GRID1: variants seen among roughly 807,000 people sequenced by gnomAD.
The protein encoded by GRID1 is glutamate receptor ionotropic, delta-1.
GRID1 carries 28 observed loss-of-function variants against 98.0 expected under a neutral mutation model. The ratio of observed to expected loss-of-function variants is 0.29; its 90% confidence interval spans 0.21 to 0.39. GRID1 has a LOEUF of 0.39. Ranked by LOEUF, GRID1 falls within the 10% of genes least tolerant of loss-of-function variation. The pLI, the probability that GRID1 is intolerant of heterozygous loss-of-function variation, is 1.00. For synonymous variants in GRID1, 553 were observed against 538.5 expected (o/e 1.03, Z -0.37); for missense variants, 1,111 against 1,340.5 (o/e 0.83, Z 2.67).
intron 4 of GRID1, among the ~76,000 whole-genome samples, chr10:85,986,849 A>C (rs561706433): frequency 2.6e-5 from 4 of 152,188 alleles, no homozygotes; most frequent in Non-Finnish European, 4.4e-5. Flanking sequence ...ATGAAACCCA[A>C]GTGGAGTGTT....
chr10:86,108,137 C>A (rs1363079562), intron 4 of GRID1, among the ~76,000 whole-genome samples: 1 of 152,208 alleles, frequency 6.6e-6, no homozygotes, highest in East Asian at 1.9e-4. Context: ...CACTCCTAGA[C>A]ATCGCCATGG....
intron 2 of GRID1, among the ~76,000 whole-genome samples, chr10:86,307,953 C>A (rs893798544): frequency 6.6e-6 from 1 of 152,192 alleles, no homozygotes; most frequent in Non-Finnish European, 1.5e-5. Context: ...CATATACAAT[C>A]TCCTGTTTTT....
intron 4 of GRID1, among the ~76,000 whole-genome samples, chr10:86,121,176 C>T (rs1293051950): frequency 6.6e-6 from 1 of 152,152 alleles, no homozygotes; most frequent in Non-Finnish European, 1.5e-5. Context: ...CTGCTGTGGA[C>T]CAGGAAGTCT....
intron 1 of GRID1, among the ~76,000 whole-genome samples, chr10:86,364,785 G>A (rs1398644098): frequency 6.6e-6 from 1 of 152,238 alleles, no homozygotes; most frequent in Non-Finnish European, 1.5e-5. Flanking sequence ...TGTGTCCTAG[G>A]CGCCTCCACG....
chr10:86,079,263 T>C (rs1843930391), intron 4 of GRID1, among the ~76,000 whole-genome samples: 1 of 152,214 alleles, frequency 6.6e-6, no homozygotes, highest in Admixed American at 6.5e-5. Context: ...GCAAATGGCC[T>C]GGATAGGGGC....
chr10:85,710,522 A>G (rs189872570), intron 12 of GRID1, among the ~76,000 whole-genome samples: 7 of 152,282 alleles, frequency 4.6e-5, no homozygotes, highest in African/African-American at 1.7e-4. Context: ...AACTCCCAGA[A>G]GAAAACATAG....
At chr10:86,077,230 A>G (rs1843895701) in intron 4 of GRID1, among the ~76,000 whole-genome samples, 1 of 136,922 alleles carries the variant, frequency 7.3e-6, no homozygotes, top group African/African-American at 2.7e-5. Flanking sequence ...GCATTTGGTC[A>G]TTCATTCAGC....
intron 12 of GRID1, among the ~76,000 whole-genome samples, chr10:85,652,404 C>A (rs79493131): frequency 5.9e-5 from 9 of 152,124 alleles, no homozygotes; most frequent in Non-Finnish European, 1.3e-4. Flanking sequence ...ATACGTAAAA[C>A]GGATTTCAAC....
intron 4 of GRID1, among the ~76,000 whole-genome samples, chr10:85,958,121 G>T (rs1842218633): frequency 6.6e-6 from 1 of 152,180 alleles, no homozygotes. Flanking sequence ...ACCCCTGCTG[G>T]GTCAGGTCAA....
At chr10:86,221,448 T>G (rs937119092) in intron 2 of GRID1, among the ~76,000 whole-genome samples, 1 of 152,154 alleles carries the variant, frequency 6.6e-6, no homozygotes, top group African/African-American at 2.4e-5. Flanking sequence ...CTGAGGCAGA[T>G]CCCAGCACAG....
intron 8 of GRID1, among the ~76,000 whole-genome samples, chr10:85,834,726 T>C (rs1424790089): frequency 3.3e-5 from 5 of 152,114 alleles, no homozygotes; most frequent in South Asian, 4.2e-4. Context: ...AAGTCACATA[T>C]GTGTATTGTA....
intron 15 of GRID1, among the ~76,000 whole-genome samples, chr10:85,611,254 A>G (rs1842729409): frequency 6.6e-6 from 1 of 152,190 alleles, no homozygotes; most frequent in South Asian, 2.1e-4. Flanking sequence ...TGGGTGGTCC[A>G]GGCTGAAATT....
Position 85,949,873 on chromosome 10 carries a change from G to A in GRID1, c.727-33634C>T, listed in dbSNP as rs7903196. ...TAGGGAGAGAGACAGAGAAAAGAGA[G>A]ATACATATAAAAAGAGAGAGAGAGA... is the stretch of plus-strand genomic sequence containing the variant. On this transcript the variant is annotated intron_variant, in intron 4 of 15. Coordinates refer to ENST00000327946, the MANE Select transcript of GRID1 (RefSeq NM_017551.3). 2.6e-3 allele frequency among the ~76,000 whole-genome samples: 403 copies of A among 152,236 alleles called. 2 individuals carry two copies. The highest frequency in any genetic ancestry group is 9.4e-3 in the African/African-American group (391 of 41,538).
chr10:85,999,781 TA>T (rs1842783659), intron 4 of GRID1, among the ~76,000 whole-genome samples: 1 of 152,182 alleles, frequency 6.6e-6, no homozygotes, highest in South Asian at 2.1e-4. Context: ...TCTTTCACAA[TA>T]AAAACTCCTT....
chr10:85,893,017 G>T (rs939406630), intron 5 of GRID1, among the ~76,000 whole-genome samples: 2 of 151,806 alleles, frequency 1.3e-5, no homozygotes, highest in African/African-American at 4.8e-5. Context: ...TTTTAATTTT[G>T]AATCCAACAT....
chr10:85,681,949 A>G (rs1841214098), intron 12 of GRID1, among the ~76,000 whole-genome samples: 1 of 152,020 alleles, frequency 6.6e-6, no homozygotes, highest in African/African-American at 2.4e-5. Context: ...GGCACAGCAC[A>G]TGCACCAGCA....
chr10:85,939,917 A>G (rs1397825907), intron 4 of GRID1, among the ~76,000 whole-genome samples: 1 of 151,994 alleles, frequency 6.6e-6, no homozygotes, highest in Non-Finnish European at 1.5e-5. Context: ...AATACAAAAA[A>G]TTAGCTGGGC....
At chr10:85,949,183 T>C (rs961232672) in intron 4 of GRID1, among the ~76,000 whole-genome samples, 1 of 152,166 alleles carries the variant, frequency 6.6e-6, no homozygotes, top group Non-Finnish European at 1.5e-5. Flanking sequence ...GGTTTTTACA[T>C]TTTTATAACA....
At chr10:86,059,967 C>T (rs930390688) in intron 4 of GRID1, among the ~76,000 whole-genome samples, 1 of 152,150 alleles carries the variant, frequency 6.6e-6, no homozygotes, top group Non-Finnish European at 1.5e-5. Flanking sequence ...CAGCATTTTA[C>T]ACAAAGCCAC....
Sources: allele counts gnomAD v4.1 joint callset (sites outside exome capture counted in the v4.1 genomes callset), GRCh38; gene constraint gnomAD v4.1.1; transcripts MANE v1.5; gene names NCBI Gene and HGNC (gene_info 2026-07-23, HGNC 2026-07-21).